ELFN1: variants seen among roughly 807,000 people sequenced by gnomAD.
ELFN1 encodes the protein protein ELFN1.
ELFN1 carries 6 observed loss-of-function variants against 7.6 expected under a neutral mutation model. The ratio of observed to expected loss-of-function variants is 0.79; its 90% CI spans 0.43 to 1.56. The LOEUF (loss-of-function observed/expected upper bound fraction) is 1.56, where lower values mean the gene tolerates loss of function less well. Ranked by LOEUF, ELFN1 falls within the 40% of genes most tolerant of loss-of-function variation. The probability of loss-of-function intolerance (pLI) is 0.01; values close to 1 mark genes in which losing one functional copy is unlikely to be tolerated. For missense variants in ELFN1, 1,169 were observed against 1,232.2 expected, an observed-to-expected ratio of 0.95 and a Z score of 0.77; for synonymous variants, 657 against 588.1, an observed-to-expected ratio of 1.12 and a Z score of -1.70.
intron 1 of ELFN1, among the ~76,000 whole-genome samples, chr7:1,674,441 C>T (rs544524202): frequency 1.3e-5 from 2 of 152,286 alleles, no homozygotes; most frequent in East Asian, 3.9e-4. Context: ...CTCCCCTCGC[C>T]TGTGAGCCGG....
upstream of ELFN1, among the ~76,000 whole-genome samples, chr7:1,669,052 G>A (rs1583300275): frequency 1.3e-5 from 2 of 152,254 alleles, no homozygotes; most frequent in Admixed American, 6.5e-5. Context: ...TGGGAGCCAA[G>A]GCAGCTCAGA....
chr7:1,693,767 C>G (rs1259276278), intron 2 of ELFN1: 2 of 470,882 alleles, frequency 4.2e-6, no homozygotes, highest in Non-Finnish European at 4.4e-6. Flanking sequence ...CTGGGAGACC[C>G]TGATCAGTGC....
intron 1 of ELFN1, among the ~76,000 whole-genome samples, chr7:1,677,933 A>T (rs759823651): frequency 6.6e-6 from 1 of 151,914 alleles, no homozygotes; most frequent in African/African-American, 2.4e-5. Context: ...CAGGCCCCTG[A>T]GGTGTTTGCT....
rs367692043 is a variant in ELFN1 at position 1,729,935 on chromosome 7, C to A, written c.-293-14369C>A. Among the ~76,000 whole-genome samples the A allele has an allele frequency of 3.9e-5, 6 of 152,336 alleles. No individual in the cohort carries two copies. The South Asian group carries it at 1.2e-3, about 32-fold the overall frequency. ...TGCCGAGGCACGTAGACCAGCAGGC[C>A]CCAGGAGGTGGGCGGGGGTGGTCTC... On this transcript the variant is annotated intron_variant, in intron 3 of 3. Transcript: ENST00000424383.
chr7:1,732,298 C>T (rs776806863), intron 3 of ELFN1, among the ~76,000 whole-genome samples: 3 of 152,110 alleles, frequency 2.0e-5, no homozygotes, highest in Non-Finnish European at 4.4e-5. Flanking sequence ...GAAGTCCAGG[C>T]GAATCACAGC....
chr7:1,682,608 A>T (rs1341651456), intron 1 of ELFN1, among the ~76,000 whole-genome samples: 1 of 123,068 alleles, frequency 8.1e-6, no homozygotes, highest in African/African-American at 3.1e-5. Context: ...GCCAGGATAA[A>T]TTTTTTTTTT....
At position 1,670,627 on chromosome 7, in the gene ELFN1, G is replaced by T. The variant is rs1187839329; in HGVS notation, c.-549+273G>T. On this transcript the variant is annotated intron_variant, in intron 1 of 3. Transcript: ENST00000424383. The surrounding 1 kb of genome is among the most constrained non-coding windows in gnomAD (Gnocchi z 6.4). ...TCGGGGTCGCTGCCGCAGCCCGCAC[G>T]CTGCCCCGTGCCTCCGAGAGGTCCC... is the stretch of plus-strand genomic sequence containing the variant. Among the ~76,000 whole-genome samples, 1 of 151,830 alleles carries T rather than the reference G, an allele frequency of 6.6e-6. No homozygotes were observed. Among genetic ancestry groups the T allele is most frequent in the Non-Finnish European group, 1.5e-5 (1 of 68,000 alleles).
intron 3 of ELFN1, 62 bp from the exon 4 acceptor site, chr7:1,744,239 GGCC>G: frequency 3.6e-6 from 1 of 276,584 alleles, no homozygotes. Context: ...GTGAGATGCC[GGCC>G]GTCCCCTGAC....
intron 1 of ELFN1, among the ~76,000 whole-genome samples, chr7:1,684,353 C>T (rs1779025403): frequency 6.6e-6 from 1 of 152,092 alleles, no homozygotes; most frequent in Non-Finnish European, 1.5e-5. Flanking sequence ...TATGTCATTC[C>T]ACCACCTTCT....
At chr7:1,717,981 TA>T (rs544831932) in intron 3 of ELFN1, among the ~76,000 whole-genome samples, 4 of 152,228 alleles carry the variant, frequency 2.6e-5, no homozygotes, top group Non-Finnish European at 4.4e-5. Context: ...AACGGTAGTT[TA>T]AATAAGATAG....
chr7:1,726,942 T>C (rs953313331), intron 3 of ELFN1, among the ~76,000 whole-genome samples: 8 of 152,184 alleles, frequency 5.3e-5, no homozygotes, highest in South Asian at 2.1e-4. Context: ...AGGGTCGTTT[T>C]ACAGGCACAA....
At chr7:1,685,223 C>G (rs1403265877) in intron 1 of ELFN1, among the ~76,000 whole-genome samples, 1 of 152,138 alleles carries the variant, frequency 6.6e-6, no homozygotes, top group Non-Finnish European at 1.5e-5. Flanking sequence ...CACTGTGAAT[C>G]AATTTTCTCC....
At chr7:1,736,324 C>G (rs1184329960) in intron 3 of ELFN1, among the ~76,000 whole-genome samples, 3 of 152,292 alleles carry the variant, frequency 2.0e-5, no homozygotes, top group Admixed American at 6.5e-5. Context: ...CTGGAAACTT[C>G]GCTCCATCAG....
At chr7:1,731,025 G>A (rs145343879) in intron 3 of ELFN1, among the ~76,000 whole-genome samples, 44 of 152,184 alleles carry the variant, frequency 2.9e-4, no homozygotes, top group Middle Eastern at 3.4e-3. Context: ...ACAGCTAGTC[G>A]AGACACATAA....
chr7:1,697,353 G>A (rs1453370746), intron 2 of ELFN1, among the ~76,000 whole-genome samples: 3 of 152,102 alleles, frequency 2.0e-5, no homozygotes, highest in African/African-American at 7.2e-5. Flanking sequence ...CCTCCTCCAC[G>A]GGGATATCTG....
In ELFN1 at chr7:1,746,204, C is replaced by T; in HGVS notation, c.1608C>T (p.Arg536=). 1 of 1,554,224 alleles carries T rather than the reference C, an allele frequency of 6.4e-7. No homozygotes were observed. Among genetic ancestry groups the T allele is most frequent in the South Asian group, 1.2e-5 (1 of 84,238 alleles). ...TTCGAACCGGGGACCCTCCGGAACG[C>T]AGGGACTGTGAGCTGGGCCGGCCGG... ...MEVRTGDPPE[R]RDCELGRPGP... The change falls in exon 4 of 4, where the codon CGC becomes CGT. Residue 536 remains arginine (R), a synonymous_variant. Coordinates refer to ENST00000424383, the MANE Select transcript of ELFN1 (RefSeq NM_001128636.4).
At chr7:1,678,358 G>A (rs1351686365) in intron 1 of ELFN1, among the ~76,000 whole-genome samples, 1 of 152,212 alleles carries the variant, frequency 6.6e-6, no homozygotes, top group Non-Finnish European at 1.5e-5. Flanking sequence ...GCTCAGAGCA[G>A]CTCTCCCGCC....
Position 1,740,704 on chromosome 7 carries a change from C to A in ELFN1, c.-293-3600C>A, listed in dbSNP as rs1186000192. ...CCCCCGAACCCCTCCTAGCACAGCA[C>A]CTGTCCAGCCTCTCCCCCCCGGCCC... On this transcript the variant is annotated intron_variant, in intron 3 of 3. Coordinates refer to ENST00000424383, the MANE Select transcript of ELFN1 (RefSeq NM_001128636.4). This position sits in a 1 kb window ranked among gnomAD's most constrained non-coding sequence, Gnocchi z 5.0. 6.6e-6 allele frequency among the ~76,000 whole-genome samples: 1 copy of A among 152,164 alleles called. No homozygotes were observed. The highest frequency in any genetic ancestry group is 1.5e-5 in the Non-Finnish European group (1 of 68,022).
chr7:1,679,839 C>A (rs1158180781), intron 1 of ELFN1, among the ~76,000 whole-genome samples: 2 of 152,222 alleles, frequency 1.3e-5, no homozygotes, highest in African/African-American at 2.4e-5. Context: ...GTCCCCAGTC[C>A]TCTGAAAGCC....
Sources: gnomAD v4.1 joint callset for allele counts (sites outside exome capture counted in the v4.1 genomes callset) on GRCh38, gnomAD v4.1.1 for gene constraint, Gnocchi (gnomAD v3.1) non-coding constraint, MANE v1.5 for transcripts, NCBI Gene and HGNC (gene_info 2026-07-23, HGNC 2026-07-21) for gene names.